TGFBI: variants seen among roughly 807,000 people sequenced by gnomAD.
The protein encoded by TGFBI is transforming growth factor-beta-induced protein ig-h3.
In TGFBI, 50 loss-of-function variants were observed where a neutral mutation model predicts 73.7. The observed-to-expected ratio is 0.68, with a 90% CI of 0.54 to 0.86. The LOEUF (loss-of-function observed/expected upper bound fraction) is 0.86. Ranked by LOEUF, TGFBI falls within the 40% of genes least tolerant of loss-of-function variation. The probability of loss-of-function intolerance (pLI) is 0.00; values close to 1 mark genes in which losing one functional copy is unlikely to be tolerated. For missense variants in TGFBI, 839 were observed against 877.0 expected (o/e 0.96, Z 0.55); for synonymous variants, 362 against 360.5 (o/e 1.00, Z -0.05).
In TGFBI at chr5:136,056,654, T is replaced by C. The variant is rs1450275339; in HGVS notation, c.1548-11T>C. 16 of 1,613,872 alleles carry C rather than the reference T, an allele frequency of 9.9e-6. No individual in the cohort carries two copies. Among genetic ancestry groups the C allele is most frequent in the Non-Finnish European group, 1.4e-5 (16 of 1,179,860 alleles). On this transcript the variant is annotated splice_polypyrimidine_tract_variant and intron_variant, in intron 11 of 16. Transcript: ENST00000442011. ...GTTGACAGGTGACATTTTCTGTGTG[T>C]GTATCTACAGCATGCTGGTAGCTGC...
chr5:136,057,508 A>G (rs6871571), intron 12 of TGFBI, among the ~76,000 whole-genome samples: 57,805 of 151,756 alleles, frequency 0.38, 12,802 homozygotes, highest in African/African-American at 0.62. Context: ...TGGGAGGATT[A>G]AATAGGATGC....
Position 136,044,098 on chromosome 5 carries a change from C to A in TGFBI, c.274C>A (p.Pro92Thr). 1 of 1,613,002 alleles carries A rather than the reference C, an allele frequency of 6.2e-7. No individual in the cohort carries two copies. Among genetic ancestry groups the A allele is most frequent in the Non-Finnish European group, 8.5e-7 (1 of 1,179,392 alleles). Residue 92 changes from proline (P) to threonine (T), a missense_variant, in exon 3 of 17, where the codon CCT becomes ACT. Pro to Thr is a conservative substitution (Grantham distance 38). Coordinates refer to ENST00000442011, the MANE Select transcript of TGFBI (RefSeq NM_000358.3). Reference sequence around the variant, plus strand: ...GTGCTGTCCTGGATATGAAAAGGTCCCTGGGGAGAAGGGCTGTCCAGCAGG... The same window carrying A: ...GTGCTGTCCTGGATATGAAAAGGTCACTGGGGAGAAGGGCTGTCCAGCAGG... ...YECCPGYEKV[P>T]GEKGCPAALP... is the part of the protein sequence containing the mutation.
intron 12 of TGFBI, 140 bp from the exon 13 acceptor site, chr5:136,058,950 G>A (rs1403739895): frequency 1.0e-5 from 11 of 1,054,780 alleles, no homozygotes; most frequent in African/African-American, 3.2e-5. Flanking sequence ...TACAGTGGGA[G>A]CTTAATAAGT....
intron 9 of TGFBI, 112 bp from the exon 10 acceptor site, chr5:136,054,604 C>G: frequency 7.0e-7 from 1 of 1,422,142 alleles, no homozygotes; most frequent in Non-Finnish European, 9.9e-7. Flanking sequence ...GTTTCTCAAT[C>G]CCTGTTTCCA....
rs554952352 is a variant in TGFBI, at chr5:136,035,529, G to A, written c.233+1668G>A. On this transcript the variant is annotated intron_variant, in intron 2 of 16. Transcript: ENST00000442011. ...AGTCCCAGCTACTCGGGAGGCTGAG[G>A]CAGGAGAATGGCGTGAACCTGGGAG... 2.1e-4 allele frequency among the ~76,000 whole-genome samples: 32 copies of A among 151,418 alleles called. 1 individual carries two copies. In the East Asian group the frequency reaches 6.2e-3, roughly 30 times the overall value.
chr5:136,060,439 A>T (rs1459759255), intron 13 of TGFBI, among the ~76,000 whole-genome samples: 1 of 152,206 alleles, frequency 6.6e-6, no homozygotes, highest in Non-Finnish European at 1.5e-5. Flanking sequence ...GGCCGGGTGC[A>T]GTGGCTCATG....
At chr5:136,049,826 C>T (rs1751500539) in intron 7 of TGFBI, 1 of 447,456 alleles carries the variant, frequency 2.2e-6, no homozygotes, top group Non-Finnish European at 4.0e-6. Context: ...TGAAGAGAGG[C>T]ATAGCTGGAG....
chr5:136,059,237 G>C, intron 13 of TGFBI, 23 bp downstream of exon 13: 2 of 1,606,324 alleles, frequency 1.2e-6, no homozygotes, highest in Non-Finnish European at 1.7e-6. Context: ...CAAATCAAAG[G>C]CTGGCTAAAT....
chr5:136,053,468 T>C (rs562831950), intron 8 of TGFBI, among the ~76,000 whole-genome samples: 2 of 152,384 alleles, frequency 1.3e-5, no homozygotes, highest in East Asian at 3.9e-4. Flanking sequence ...TGTCCCATGG[T>C]CACTGACCCA....
intron 12 of TGFBI, among the ~76,000 whole-genome samples, chr5:136,057,878 A>C (rs1580721619): frequency 2.0e-5 from 3 of 152,228 alleles, no homozygotes; most frequent in Admixed American, 2.0e-4. Context: ...TCTGAACATA[A>C]ACTTTTCATC....
chr5:136,055,850 C>G, intron 11 of TGFBI, 34 bp downstream of exon 11: 1 of 1,570,334 alleles, frequency 6.4e-7, no homozygotes, highest in South Asian at 1.2e-5. Flanking sequence ...GAGCTTCTGC[C>G]CAGTGGTCAT....
intron 4 of TGFBI, 106 bp from the exon 5 acceptor site, chr5:136,046,745 G>T: frequency 7.1e-7 from 1 of 1,414,780 alleles, no homozygotes; most frequent in South Asian, 1.4e-5. Flanking sequence ...GCAGAAGAGA[G>T]GCCTGGGCTC....
At chr5:136,033,011 G>T (rs1228538330) in intron 1 of TGFBI, among the ~76,000 whole-genome samples, 1 of 152,088 alleles carries the variant, frequency 6.6e-6, no homozygotes, top group Non-Finnish European at 1.5e-5. Flanking sequence ...TTCATTTCGT[G>T]CTCCTTCTAC....
chr5:136,060,526 C>A lies in TGFBI; in HGVS notation c.1804-308C>A, dbSNP rs41298962. On this transcript the variant is annotated intron_variant, in intron 13 of 16. Transcript: ENST00000442011. ...AGGAGTTCAAGTCCAGCCTGGCCAA[C>A]GTGGTGAAACCACATCTCTACTAAA... Among the ~76,000 whole-genome samples the A allele has an allele frequency of 2.4e-3, 358 of 152,252 alleles. 6 individuals are homozygous for A. Among genetic ancestry groups the A allele is most frequent in the Admixed American group, 3.7e-3 (57 of 15,300 alleles).
chr5:136,061,775 G>A (rs1751753542), intron 15 of TGFBI, 196 bp downstream of exon 15: 1 of 652,796 alleles, frequency 1.5e-6, no homozygotes, highest in Non-Finnish European at 2.8e-6. Context: ...CAACTCCCTG[G>A]CTTTCATGGG....
Position 136,056,685 on chromosome 5 carries a change from A to T in TGFBI, c.1568A>T (p.Gln523Leu), listed in dbSNP as rs1751638197. 6.2e-7 allele frequency: 1 copy of T among 1,613,878 alleles called. No homozygotes were observed. Among genetic ancestry groups the T allele is most frequent in the Admixed American group, 1.7e-5 (1 of 60,010 alleles). Residue 523 changes from glutamine to leucine, a missense_variant, in exon 12 of 17, where the codon CAG (glutamine) becomes CTG (leucine). Transcript: ENST00000442011. ...NRFSMLVAAI[Q>L]SAGLTETLNR... Reference sequence around the variant, plus strand: ...TACAGCATGCTGGTAGCTGCCATCCAGTCTGCAGGACTGACGGAGACCCTC... The same window carrying T: ...TACAGCATGCTGGTAGCTGCCATCCTGTCTGCAGGACTGACGGAGACCCTC...
At chr5:136,046,539 G>A (rs781293593) in intron 4 of TGFBI, 44 bp downstream of exon 4, 57 of 1,547,048 alleles carry the variant, frequency 3.7e-5, no homozygotes, top group Non-Finnish European at 4.6e-5. Context: ...ATGGGGAACT[G>A]CCTTACTTCC....
In TGFBI at chr5:136,061,000, A is replaced by G. The variant is rs1364526648; in HGVS notation, c.1906+64A>G. 3 of 1,247,380 alleles carry G rather than the reference A, an allele frequency of 2.4e-6. No homozygotes were observed. In the East Asian group the frequency reaches 7.2e-5, roughly 30 times the overall value. The allele number at this position is 1,247,380 out of a possible 1,614,324, so 77.3% of individuals were successfully genotyped here. ...TTTCTTCATGTGGCAGTTGGTGGAG[A>G]GAAGAAAAACTGTTCTAAACAATGA... On this transcript the variant is annotated intron_variant, in intron 14 of 16. Transcript: ENST00000442011.
At chr5:136,061,602 G>A (rs538972057) in intron 15 of TGFBI, 23 bp downstream of exon 15, 89 of 1,602,322 alleles carry the variant, frequency 5.6e-5, no homozygotes, top group African/African-American at 1.9e-4. Flanking sequence ...CTAGGTTTGC[G>A]CCTAGCCTGA....
Sources: allele counts gnomAD v4.1 joint callset (sites outside exome capture counted in the v4.1 genomes callset), GRCh38; gene constraint gnomAD v4.1.1; transcripts MANE v1.5; gene names NCBI Gene and HGNC (gene_info 2026-07-23, HGNC 2026-07-21).